KCNJ3: variants seen among roughly 807,000 people sequenced by gnomAD.
KCNJ3 encodes the protein potassium inwardly rectifying channel subfamily J member 3.
A neutral mutation model predicts 39.2 loss-of-function variants in KCNJ3; 4 were observed. The ratio of observed to expected loss-of-function variants is 0.10; its 90% CI spans 0.05 to 0.23. The LOEUF (loss-of-function observed/expected upper bound fraction) is 0.23, where lower values mean the gene tolerates loss of function less well. Among genes scored for constraint, KCNJ3 ranks in the 10% least tolerant of loss-of-function variants. The pLI is 1.00. For synonymous variants in KCNJ3, 230 were observed against 237.4 expected (o/e 0.97, Z 0.29); for missense variants, 276 against 634.9 (o/e 0.43, Z 6.08).
intron 2 of KCNJ3, among the ~76,000 whole-genome samples, chr2:154,752,502 A>G (rs1685863929): frequency 1.3e-5 from 2 of 152,070 alleles, no homozygotes; most frequent in South Asian, 2.1e-4. Flanking sequence ...TCTATAAGCT[A>G]GTAATTTACT....
intron 2 of KCNJ3, 55 bp from the exon 3 acceptor site, chr2:154,854,672 T>A: frequency 7.3e-7 from 1 of 1,370,616 alleles, no homozygotes; most frequent in South Asian, 1.3e-5. Flanking sequence ...CCAAACCGGC[T>A]TTACATGTGC....
intron 2 of KCNJ3, among the ~76,000 whole-genome samples, chr2:154,841,972 C>A (rs1273113459): frequency 1.3e-5 from 2 of 151,912 alleles, no homozygotes; most frequent in Admixed American, 6.6e-5. Flanking sequence ...TTATTTCTTC[C>A]TTTCTGCTAG....
intron 2 of KCNJ3, among the ~76,000 whole-genome samples, chr2:154,854,151 A>G (rs559372642): frequency 1.3e-5 from 2 of 152,338 alleles, no homozygotes; most frequent in Non-Finnish European, 2.9e-5. Context: ...CAAAAAGGTA[A>G]GCGTCCATTA....
At chr2:154,760,735 C>CTTTTTTTTTTTTT (rs887796000) in intron 2 of KCNJ3, among the ~76,000 whole-genome samples, 1 of 127,752 alleles carries the variant, frequency 7.8e-6, no homozygotes, top group Non-Finnish European at 1.6e-5. Flanking sequence ...TCTTTTTTTT[C>CTTTTTTTTTTTTT]TTTTTTTTTT....
intron 2 of KCNJ3, among the ~76,000 whole-genome samples, chr2:154,767,754 A>T (rs1376313602): frequency 1.3e-5 from 2 of 152,216 alleles, no homozygotes; most frequent in African/African-American, 4.8e-5. Context: ...TCCTTGAGGA[A>T]TTGCCACACT....
intron 2 of KCNJ3, among the ~76,000 whole-genome samples, chr2:154,795,601 G>A (rs900636221): frequency 2.6e-5 from 4 of 151,942 alleles, no homozygotes; most frequent in African/African-American, 7.2e-5. Context: ...AGCTTACGAA[G>A]GGCATTTTTA....
chr2:154,720,939 TTGTG>T (rs776973340), intron 2 of KCNJ3, among the ~76,000 whole-genome samples: 1 of 151,900 alleles, frequency 6.6e-6, no homozygotes, highest in African/African-American at 2.4e-5. Context: ...TGTAGCCTCT[TTGTG>T]TGTGTGTGTA....
chr2:154,804,309 A>G (rs1270683539), intron 2 of KCNJ3, among the ~76,000 whole-genome samples: 1 of 152,164 alleles, frequency 6.6e-6, no homozygotes, highest in Non-Finnish European at 1.5e-5. Flanking sequence ...AAAAGTTTCA[A>G]CTTCACTAGA....
intron 2 of KCNJ3, among the ~76,000 whole-genome samples, chr2:154,712,942 G>A (rs1685124981): frequency 6.6e-6 from 1 of 152,056 alleles, no homozygotes; most frequent in Admixed American, 6.6e-5. Context: ...GAAGAGCGTG[G>A]CAGATGCTGT....
chr2:154,857,223 CAGAG>C lies in KCNJ3; in HGVS notation c.*1916_*1919del, dbSNP rs1000753510. 3.3e-5 allele frequency: 5 copies of C among 151,996 alleles called. No homozygotes were observed. The highest frequency in any genetic ancestry group is 1.2e-4 in the African/African-American group (5 of 41,384). 9.4% of individuals were successfully genotyped at this position (151,996 alleles called of 1,614,324 possible). On this transcript the variant is annotated 3_prime_UTR_variant, in exon 3 of 3. Coordinates refer to ENST00000295101, the MANE Select transcript of KCNJ3 (RefSeq NM_002239.4). ...GTAGATGTAGGAAACAAAATAGTGA[CAGAG>C]AGAGAAGGGGGTCCACAGGGCATGG...
At chr2:154,733,942 C>T in intron 2 of KCNJ3, among the ~76,000 whole-genome samples, 1 of 152,004 alleles carries the variant, frequency 6.6e-6, no homozygotes, top group East Asian at 1.9e-4. Context: ...GAATATAGAC[C>T]TCAGGAGCAT....
intron 1 of KCNJ3, among the ~76,000 whole-genome samples, chr2:154,700,316 A>G (rs147689861): frequency 6.6e-6 from 1 of 152,344 alleles, no homozygotes; most frequent in East Asian, 1.9e-4. Context: ...TGGAGTGGTT[A>G]TTAAAGCAAG....
intron 2 of KCNJ3, among the ~76,000 whole-genome samples, chr2:154,773,206 G>A (rs1353002830): frequency 6.6e-6 from 1 of 152,046 alleles, no homozygotes; most frequent in Admixed American, 6.6e-5. Context: ...TTTAGTCTCT[G>A]CTTTTAATGT....
At chr2:154,805,267 T>A (rs1332323351) in intron 2 of KCNJ3, among the ~76,000 whole-genome samples, 1 of 152,140 alleles carries the variant, frequency 6.6e-6, no homozygotes, top group Non-Finnish European at 1.5e-5. Context: ...CTTCTTGTGC[T>A]GATGAAGTAT....
chr2:154,728,710 G>A (rs992146585), intron 2 of KCNJ3, among the ~76,000 whole-genome samples: 3 of 152,182 alleles, frequency 2.0e-5, no homozygotes, highest in Non-Finnish European at 2.9e-5. Context: ...CATCTGTGGT[G>A]AATTTTGGTC....
intron 2 of KCNJ3, among the ~76,000 whole-genome samples, chr2:154,769,967 A>G (rs1678963428): frequency 6.6e-6 from 1 of 152,182 alleles, no homozygotes; most frequent in African/African-American, 2.4e-5. Flanking sequence ...TTTTCAGTAA[A>G]AAATTCAAGC....
chr2:154,742,544 G>A (rs1685670493), intron 2 of KCNJ3, among the ~76,000 whole-genome samples: 1 of 151,756 alleles, frequency 6.6e-6, no homozygotes, highest in Non-Finnish European at 1.5e-5. Flanking sequence ...ACTTGTTATT[G>A]TCTGTTTTGA....
intron 2 of KCNJ3, among the ~76,000 whole-genome samples, chr2:154,802,737 A>T: frequency 6.6e-6 from 1 of 152,298 alleles, no homozygotes; most frequent in Middle Eastern, 3.4e-3. Flanking sequence ...ATATATTTAT[A>T]ATATGTTGAT....
chr2:154,800,366 G>A (rs1312584057), intron 2 of KCNJ3, among the ~76,000 whole-genome samples: 1 of 152,114 alleles, frequency 6.6e-6, no homozygotes, highest in African/African-American at 2.4e-5. Context: ...AAAGGTAATA[G>A]GTTTTCAATT....
Sources: allele counts gnomAD v4.1 joint callset (sites outside exome capture counted in the v4.1 genomes callset), GRCh38; gene constraint gnomAD v4.1.1; transcripts MANE v1.5; gene names NCBI Gene and HGNC (gene_info 2026-07-23, HGNC 2026-07-21).